The following LTA4H variants were observed in gnomAD, a reference collection of about 807,000 sequenced individuals.
LTA4H encodes leukotriene A4 hydrolase.
Under a neutral mutation model 89.8 loss-of-function variants are expected in LTA4H, and 59 were observed. The observed-to-expected ratio is 0.66, with a 90% CI of 0.53 to 0.82. The LOEUF is 0.82. LTA4H is among the 40% of genes least tolerant of loss of function. The pLI is 0.00. For missense variants in LTA4H, 617 were observed against 727.0 expected (o/e 0.85, Z 1.74); for synonymous variants, 227 against 253.1 (o/e 0.90, Z 0.98).
intron 18 of LTA4H, 47 bp downstream of exon 18, chr12:96,002,913 T>C (rs1211214700): frequency 1.6e-6 from 2 of 1,244,438 alleles, no homozygotes; most frequent in African/African-American, 1.5e-5. Context: ...ACAGTTTTCT[T>C]CCTGTTTCTT....
intron 8 of LTA4H, among the ~76,000 whole-genome samples, chr12:96,018,351 C>T (rs1168244838): frequency 6.6e-6 from 1 of 152,100 alleles, no homozygotes; most frequent in Non-Finnish European, 1.5e-5. Flanking sequence ...AGGATCGAGA[C>T]TACCCTGGCC....
chr12:96,014,207 G>T (rs1254710435), intron 12 of LTA4H: 3 of 170,048 alleles, frequency 1.8e-5, no homozygotes, highest in Non-Finnish European at 3.5e-5. Flanking sequence ...GGATCCAGGT[G>T]ACAGACAGCC....
intron 1 of LTA4H, among the ~76,000 whole-genome samples, chr12:96,033,345 T>C (rs939819841): frequency 1.3e-5 from 2 of 152,224 alleles, no homozygotes; most frequent in African/African-American, 2.4e-5. Context: ...TCTTCTGAAA[T>C]ATATGTTGCA....
intron 1 of LTA4H, among the ~76,000 whole-genome samples, chr12:96,041,986 C>CTTTTTTTTTTTTTTTT (rs145401712): frequency 1.8e-5 from 2 of 110,070 alleles, no homozygotes; most frequent in African/African-American, 3.6e-5. Flanking sequence ...GTTTTTTTTT[C>CTTTTTTTTTTTTTTTT]TTTTTTTTTT....
At chr12:96,009,009 G>A in intron 15 of LTA4H, 85 bp downstream of exon 15, 1 of 985,098 alleles carries the variant, frequency 1.0e-6, no homozygotes, top group Non-Finnish European at 1.6e-6. Context: ...AACTGTTTGT[G>A]ATTTAAAGTA....
In LTA4H at chr12:96,035,514, G is replaced by C. The variant is rs1367970577; in HGVS notation, c.6C>G (p.Pro2=). 2 of 1,604,280 alleles carry C rather than the reference G, an allele frequency of 1.2e-6. No homozygotes were observed. The highest frequency in any genetic ancestry group is 1.7e-6 in the Non-Finnish European group (2 of 1,175,358). Residue 2 remains proline, a synonymous_variant, in exon 1 of 19, where the codon CCC becomes CCG. Transcript: ENST00000228740. ...CCAACGAACAGGTATCCACTATCTC[G>C]GGCATGGCTCTGGGGGATCACACAG... M[P]EIVDTCSLAS... is the part of the protein sequence containing the mutation.
intron 4 of LTA4H, among the ~76,000 whole-genome samples, chr12:96,023,148 G>C (rs907944491): frequency 2.6e-5 from 4 of 152,202 alleles, no homozygotes; most frequent in Non-Finnish European, 5.9e-5. Flanking sequence ...TATTCCAGTA[G>C]GGGCTAGACT....
At chr12:96,019,875 C>G (rs559078685) in intron 6 of LTA4H, among the ~76,000 whole-genome samples, 161 of 150,402 alleles carry the variant, frequency 1.1e-3, no homozygotes, top group Non-Finnish European at 1.7e-3. Context: ...GCTGGGATTA[C>G]AGGCGTGAGC....
At chr12:96,034,225 A>G (rs1366666745) in intron 1 of LTA4H, among the ~76,000 whole-genome samples, 1 of 152,232 alleles carries the variant, frequency 6.6e-6, no homozygotes, top group Non-Finnish European at 1.5e-5. Context: ...TAAAATACAC[A>G]TGTAGCATCC....
chr12:96,038,421 G>A (rs1207349364), upstream of LTA4H, among the ~76,000 whole-genome samples: 4 of 152,062 alleles, frequency 2.6e-5, no homozygotes, highest in Non-Finnish European at 5.9e-5. Flanking sequence ...ATGTCCTGTT[G>A]CCCAGGCTGG....
Position 96,003,819 on chromosome 12 carries a change from A to G in LTA4H, c.1613+19T>C. ...TAGTTTTCTGCTTTCTTCCACAGAG[A>G]CAAGTTAAAATGATGTACCTGAATC... On this transcript the variant is annotated intron_variant, in intron 17 of 18. Coordinates refer to ENST00000228740, the MANE Select transcript of LTA4H (RefSeq NM_000895.3). 2 of 1,569,800 alleles carry G rather than the reference A, an allele frequency of 1.3e-6. No homozygotes were observed. Among genetic ancestry groups the G allele is most frequent in the Non-Finnish European group, 1.7e-6 (2 of 1,143,916 alleles).
intron 14 of LTA4H, chr12:96,010,988 G>A (rs1950293252): frequency 6.6e-6 from 1 of 152,146 alleles, no homozygotes; most frequent in African/African-American, 2.4e-5. Flanking sequence ...TCTGTGGTTT[G>A]AGATTTTCTA....
At chr12:96,011,049 C>T (rs1950294477) in intron 14 of LTA4H, 1 of 152,158 alleles carries the variant, frequency 6.6e-6, no homozygotes, top group African/African-American at 2.4e-5. Context: ...TTCCAGGGTT[C>T]CTCCAGCACT....
upstream of LTA4H, among the ~76,000 whole-genome samples, chr12:96,038,678 C>T (rs989583431): frequency 3.3e-5 from 5 of 151,310 alleles, no homozygotes; most frequent in South Asian, 2.1e-4. Flanking sequence ...CACACAGAGC[C>T]GCAAACATTT....
intron 6 of LTA4H, among the ~76,000 whole-genome samples, chr12:96,019,703 T>C (rs917209507): frequency 1.3e-5 from 2 of 148,758 alleles, no homozygotes; most frequent in Admixed American, 1.4e-4. Context: ...ACCATTCTCC[T>C]GCCTCAGCCT....
At chr12:96,025,715 T>A (rs183252153) in intron 3 of LTA4H, among the ~76,000 whole-genome samples, 320 of 151,798 alleles carry the variant, frequency 2.1e-3, no homozygotes, top group African/African-American at 7.4e-3. Flanking sequence ...TAGTCCCAGC[T>A]ACTCAGGAGG....
chr12:96,035,802 A>G, upstream of LTA4H: 1 of 450,018 alleles, frequency 2.2e-6, no homozygotes, highest in Non-Finnish European at 3.6e-6. Flanking sequence ...GCTGAAGAAG[A>G]GGAGGGGAGT....
Position 96,017,547 on chromosome 12 carries a change from T to C in LTA4H, c.876+10A>G. On this transcript the variant is annotated intron_variant, in intron 9 of 18. Transcript: ENST00000228740. ...TGAAGGTAAGGCCATAATGAAAAAG[T>C]TTAACTTACATTGGAGAGTGACTTG... 2 of 1,607,560 alleles carry C rather than the reference T, an allele frequency of 1.2e-6. No homozygotes were observed. The highest frequency in any genetic ancestry group is 1.7e-6 in the Non-Finnish European group (2 of 1,175,300).
At chr12:96,036,562 A>C (rs755393057), upstream of LTA4H, among the ~76,000 whole-genome samples, 8 of 152,190 alleles carry the variant, frequency 5.3e-5, no homozygotes, top group Non-Finnish European at 8.8e-5. Flanking sequence ...AAAATGGCTC[A>C]ATCAGAAGAT....
Sources: gnomAD v4.1 joint callset for allele counts (sites outside exome capture counted in the v4.1 genomes callset) on GRCh38, gnomAD v4.1.1 for gene constraint, MANE v1.5 for transcripts, NCBI Gene and HGNC (gene_info 2026-07-23, HGNC 2026-07-21) for gene names.